The following ZMIZ1 variants were observed in gnomAD, a reference collection of about 807,000 sequenced individuals.
ZMIZ1 encodes zinc finger MIZ-type containing 1, also known as zinc finger MIZ domain-containing protein 1.
In ZMIZ1, 17 loss-of-function variants were observed where a neutral mutation model predicts 113.9. The observed-to-expected ratio is 0.15, with a 90% CI of 0.10 to 0.22. The LOEUF is 0.22. Ranked by LOEUF, ZMIZ1 falls within the 10% of genes least tolerant of loss-of-function variation. ZMIZ1 has a pLI of 1.00. For missense variants in ZMIZ1, 1,059 were observed against 1,477.8 expected, an observed-to-expected ratio of 0.72 and a Z score of 4.65; for synonymous variants, 607 against 603.1, an observed-to-expected ratio of 1.01 and a Z score of -0.09.
At chr10:79,076,949 C>T (rs755131662) in intron 1 of ZMIZ1, among the ~76,000 whole-genome samples, 1 of 152,212 alleles carries the variant, frequency 6.6e-6, no homozygotes, top group African/African-American at 2.4e-5. Context: ...CCTCCCCTCT[C>T]CCCTCCAGCC....
intron 7 of ZMIZ1, among the ~76,000 whole-genome samples, chr10:79,243,015 C>T (rs1849938479): frequency 6.7e-6 from 1 of 150,348 alleles, no homozygotes; most frequent in Non-Finnish European, 1.5e-5. Flanking sequence ...GACGGCGAGG[C>T]TCGCGGGGCG....
rs923897192 is a variant in ZMIZ1 at position 79,313,571 on chromosome 10, A to G, written c.*822A>G. On this transcript the variant is annotated 3_prime_UTR_variant, in exon 25 of 25. Coordinates refer to ENST00000334512, the MANE Select transcript of ZMIZ1 (RefSeq NM_020338.4). ...AGAGAGAGCAGGTGTACACCCAACC[A>G]AAGTGATTGTGCCCTTGGTTGGGGG... The G allele has an allele frequency of 4.8e-4, 99 of 204,756 alleles. 1 individual carries two copies. Among genetic ancestry groups the G allele is most frequent in the Non-Finnish European group, 2.1e-4 (21 of 100,852 alleles). 12.7% of individuals were successfully genotyped at this position (204,756 alleles called of 1,614,324 possible).
chr10:79,191,460 C>T (rs1847598007), intron 4 of ZMIZ1, among the ~76,000 whole-genome samples: 1 of 152,190 alleles, frequency 6.6e-6, no homozygotes, highest in South Asian at 2.1e-4. Context: ...CCTCTCTTCC[C>T]CACTTCATGG....
At chr10:79,182,130 A>AT (rs1847146575) in intron 4 of ZMIZ1, among the ~76,000 whole-genome samples, 1 of 152,220 alleles carries the variant, frequency 6.6e-6, no homozygotes, top group African/African-American at 2.4e-5. Flanking sequence ...GTATGTGCAC[A>AT]TGCGTGTGTG....
chr10:79,252,644 T>C (rs1281038612), intron 7 of ZMIZ1, among the ~76,000 whole-genome samples: 1 of 152,210 alleles, frequency 6.6e-6, no homozygotes, highest in African/African-American at 2.4e-5. Context: ...TTACCACTTC[T>C]GCAAAACGGG....
intron 4 of ZMIZ1, among the ~76,000 whole-genome samples, chr10:79,164,217 T>C (rs766127267): frequency 3.3e-5 from 5 of 152,232 alleles, no homozygotes; most frequent in Non-Finnish European, 7.3e-5. Flanking sequence ...AGCGTGGGGC[T>C]CCGCTCTTGA....
chr10:79,296,538 C>A lies in ZMIZ1; in HGVS notation c.1298C>A (p.Ala433Asp), dbSNP rs747092841. 6 of 1,613,100 alleles carry A rather than the reference C, an allele frequency of 3.7e-6. No homozygotes were observed. The highest frequency in any genetic ancestry group is 5.1e-6 in the Non-Finnish European group (6 of 1,179,522). Residue 433 changes from alanine (A) to aspartate (D), a missense_variant, in exon 13 of 25, where the codon GCC becomes GAC. Ala to Asp is a moderately radical substitution (Grantham distance 126, BLOSUM62 -2). Coordinates refer to ENST00000334512, the MANE Select transcript of ZMIZ1 (RefSeq NM_020338.4). This position sits in a 1 kb window ranked among gnomAD's most constrained non-coding sequence, Gnocchi z 4.1. ...CCCACCCAGCCAGGCCAGTACCCAGCCCCCAACCCCCCGAGGCCACTCACC... is the reference window on the plus strand; with the variant it reads ...CCCACCCAGCCAGGCCAGTACCCAGACCCCAACCCCCCGAGGCCACTCACC... ...QFPTQPGQYP[A>D]PNPPRPLTSP...
chr10:79,279,531 G>GCT, intron 8 of ZMIZ1, among the ~76,000 whole-genome samples: 1 of 152,010 alleles, frequency 6.6e-6, no homozygotes, highest in East Asian at 2.0e-4. Flanking sequence ...GGGCGGCCAG[G>GCT]CAGAGACGCT....
At chr10:79,175,583 C>CGCGTGTGT (rs1406237695) in intron 4 of ZMIZ1, among the ~76,000 whole-genome samples, 7 of 125,380 alleles carry the variant, frequency 5.6e-5, no homozygotes, top group Admixed American at 3.8e-4. Flanking sequence ...GTGCACTCTG[C>CGCGTGTGT]GTGTGTGTGT....
chr10:79,193,068 C>T (rs1237805631), intron 4 of ZMIZ1, among the ~76,000 whole-genome samples: 2 of 152,176 alleles, frequency 1.3e-5, no homozygotes, highest in African/African-American at 4.8e-5. Context: ...TGCAGGCTAC[C>T]GAGGTTTGGG....
At chr10:79,269,911 G>A (rs537763757) in intron 7 of ZMIZ1, among the ~76,000 whole-genome samples, 5 of 152,170 alleles carry the variant, frequency 3.3e-5, no homozygotes, top group African/African-American at 7.2e-5. Context: ...CGACCCGATC[G>A]ATGCTAACAA....
intron 7 of ZMIZ1, among the ~76,000 whole-genome samples, chr10:79,240,132 G>A (rs1015079217): frequency 1.3e-5 from 2 of 152,182 alleles, no homozygotes; most frequent in African/African-American, 2.4e-5. Context: ...CCTCCCAAGC[G>A]CTGGCGGGCA....
intron 3 of ZMIZ1, among the ~76,000 whole-genome samples, chr10:79,150,180 G>A (rs1052935082): frequency 4.6e-5 from 7 of 152,190 alleles, no homozygotes; most frequent in Non-Finnish European, 1.0e-4. Flanking sequence ...GGCCGCAGCC[G>A]TGCAGGTCAC....
intron 6 of ZMIZ1, among the ~76,000 whole-genome samples, chr10:79,215,059 T>C (rs940903911): frequency 6.6e-6 from 1 of 152,096 alleles, no homozygotes; most frequent in African/African-American, 2.4e-5. Context: ...AGGAGATGGG[T>C]GGGACCTTCA....
At chr10:79,231,097 C>T (rs1366058008) in intron 7 of ZMIZ1, among the ~76,000 whole-genome samples, 3 of 152,236 alleles carry the variant, frequency 2.0e-5, no homozygotes, top group Admixed American at 2.0e-4. Context: ...ACAAAGATGG[C>T]ATCTCACTGA....
chr10:79,272,110 AAT>A (rs889787194), intron 7 of ZMIZ1, among the ~76,000 whole-genome samples: 1 of 151,678 alleles, frequency 6.6e-6, no homozygotes, highest in Non-Finnish European at 1.5e-5. Context: ...CTCTACCAAA[AAT>A]ATATATATAT....
chr10:79,269,295 C>T (rs986690579), intron 7 of ZMIZ1, among the ~76,000 whole-genome samples: 1 of 152,072 alleles, frequency 6.6e-6, no homozygotes, highest in Non-Finnish European at 1.5e-5. Flanking sequence ...AATCATGAAT[C>T]CCACTTGCCA....
chr10:79,076,326 G>C (rs1159685239), intron 1 of ZMIZ1, among the ~76,000 whole-genome samples: 1 of 152,158 alleles, frequency 6.6e-6, no homozygotes, highest in African/African-American at 2.4e-5. Flanking sequence ...ATTAATAAAT[G>C]CTCTTCGGGT....
At chr10:79,166,709 T>C (rs998163443) in intron 4 of ZMIZ1, among the ~76,000 whole-genome samples, 2 of 151,780 alleles carry the variant, frequency 1.3e-5, no homozygotes, top group African/African-American at 4.8e-5. Flanking sequence ...CTGGTGGGAG[T>C]GTTTGTATGC....
Sources: allele counts gnomAD v4.1 joint callset (sites outside exome capture counted in the v4.1 genomes callset), GRCh38; gene constraint gnomAD v4.1.1; non-coding constraint Gnocchi (gnomAD v3.1); transcripts MANE v1.5; gene names NCBI Gene and HGNC (gene_info 2026-07-23, HGNC 2026-07-21).